Variants in CA12 observed in about 807,000 individuals in gnomAD.
CA12 encodes carbonate dehydratase XII.
A neutral mutation model predicts 46.8 loss-of-function variants in CA12; 36 were observed. That is an observed-to-expected ratio of 0.77 (90% CI 0.59 to 1.02). CA12 has a LOEUF of 1.02. Among genes scored for constraint, CA12 ranks in the 50% least tolerant of loss-of-function variants. CA12 has a pLI of 0.00. For synonymous variants in CA12, 202 were observed against 187.0 expected (o/e 1.08, Z -0.65); for missense variants, 436 against 451.4 (o/e 0.97, Z 0.31).
chr15:63,363,890 C>T (rs1178097164), intron 2 of CA12, among the ~76,000 whole-genome samples: 1 of 152,176 alleles, frequency 6.6e-6, no homozygotes, highest in Admixed American at 6.5e-5. Context: ...AAAGGCTTAT[C>T]AAGAGTGGGA....
chr15:63,326,301 G>A lies in CA12; in HGVS notation c.1049C>T (p.Thr350Ile), dbSNP rs781359858. The A allele has an allele frequency of 1.9e-6, 3 of 1,613,948 alleles. No homozygotes were observed. ...CCGGGGACCTCAAGCGTGGGCCTCAGTCTCCATCTTGGTGGCTGGCTTGTA... is the reference window on the plus strand; with the variant it reads ...CCGGGGACCTCAAGCGTGGGCCTCAATCTCCATCTTGGTGGCTGGCTTGTA... Reference protein sequence around the residue: ...VIYKPATKMETEAHA With the variant: ...VIYKPATKMEIEAHA Residue 350 changes from threonine (T) to isoleucine (I), a missense_variant, in exon 11 of 11, where the codon ACT (threonine) becomes ATT (isoleucine). Physicochemically the swap from Thr to Ile is moderately conservative, Grantham distance 89. Coordinates refer to ENST00000178638, the MANE Select transcript of CA12 (RefSeq NM_001218.5).
chr15:63,371,490 C>A (rs1016953161), intron 2 of CA12, among the ~76,000 whole-genome samples: 19 of 152,200 alleles, frequency 1.2e-4, no homozygotes, highest in African/African-American at 4.6e-4. Flanking sequence ...CCACCTGGCA[C>A]CCCCGTGCCA....
intron 2 of CA12, among the ~76,000 whole-genome samples, chr15:63,370,501 G>A (rs1006077397): frequency 3.8e-4 from 57 of 151,578 alleles, no homozygotes; most frequent in African/African-American, 1.3e-3. Context: ...GGCGGGGCAC[G>A]GTGGCTCATG....
chr15:63,362,062 C>T (rs966257666), intron 2 of CA12, among the ~76,000 whole-genome samples: 11 of 152,126 alleles, frequency 7.2e-5, no homozygotes, highest in African/African-American at 2.2e-4. Flanking sequence ...GTTTTTGAAG[C>T]TTTGCGGGCC....
intron 2 of CA12, among the ~76,000 whole-genome samples, chr15:63,370,255 G>A (rs924767566): frequency 2.0e-5 from 3 of 151,686 alleles, no homozygotes; most frequent in African/African-American, 7.3e-5. Context: ...GAGGCCAGGA[G>A]TTCAAGACCA....
At position 63,341,904 on chromosome 15, in the gene CA12, A is replaced by G; in HGVS notation, c.525+98T>C. On this transcript the variant is annotated intron_variant, in intron 5 of 10. Coordinates refer to ENST00000178638, the MANE Select transcript of CA12 (RefSeq NM_001218.5). The surrounding 1 kb of genome is among the most constrained non-coding windows in gnomAD (Gnocchi z 5.2). ...GAGTTGACACGGAGTCGATACAGGAACAGCTGATTATCAACAGGTATGCAT... is the reference window on the plus strand; with the variant it reads ...GAGTTGACACGGAGTCGATACAGGAGCAGCTGATTATCAACAGGTATGCAT... 3.6e-6 allele frequency: 3 copies of G among 829,262 alleles called. No individual in the cohort carries two copies. The South Asian group carries it at 4.3e-5, about 12-fold the overall frequency. The allele number at this position is 829,262 out of a possible 1,614,324, so 51.4% of individuals were successfully genotyped here.
rs1413433121 is a variant in CA12, at chr15:63,374,603, G to A, written c.106+1055C>T. ...AGCAATAACGGAGCCGTGCAGTGCT[G>A]GGGCTGAGGGGACCTTGGCCTGTGG... On this transcript the variant is annotated intron_variant, in intron 2 of 10. Coordinates refer to ENST00000178638, the MANE Select transcript of CA12 (RefSeq NM_001218.5). The surrounding 1 kb of genome is among the most constrained non-coding windows in gnomAD (Gnocchi z 4.4). 6.6e-6 allele frequency among the ~76,000 whole-genome samples: 1 copy of A among 152,198 alleles called. No individual in the cohort carries two copies. Among genetic ancestry groups the A allele is most frequent in the Non-Finnish European group, 1.5e-5 (1 of 68,050 alleles).
intron 1 of CA12, among the ~76,000 whole-genome samples, chr15:63,379,451 G>T (rs939913923): frequency 6.6e-6 from 1 of 152,214 alleles, no homozygotes; most frequent in Non-Finnish European, 1.5e-5. Flanking sequence ...ACTTCTAGCT[G>T]TAAGAACAGA....
Position 63,381,628 on chromosome 15 carries a change from A to G in CA12, c.85+8T>C. The stretch of plus-strand genomic sequence containing the variant: ...GAGTGTTAGGAAAGAAGCAGGCGGA[A>G]ACTTTACCGTTCACTGGGGCCGGGC... On this transcript the variant is annotated splice_region_variant and intron_variant, in intron 1 of 10. Coordinates refer to ENST00000178638, the MANE Select transcript of CA12 (RefSeq NM_001218.5). 1 of 1,608,974 alleles carries G rather than the reference A, an allele frequency of 6.2e-7. No homozygotes were observed. Among genetic ancestry groups the G allele is most frequent in the Middle Eastern group, 1.7e-4 (1 of 6,056 alleles).
In CA12 at chr15:63,327,294, G is replaced by A. The variant is rs956532389; in HGVS notation, c.908-61C>T. On this transcript the variant is annotated intron_variant, in intron 9 of 10. Transcript: ENST00000178638. The surrounding 1 kb of genome is among the most constrained non-coding windows in gnomAD (Gnocchi z 4.5). ...TCCTTCCCCTCCATCTTAGCCCATG[G>A]CCCCCGGGTGTGAAATCATGGCCCA... The A allele has an allele frequency of 7.5e-6, 10 of 1,336,254 alleles. No homozygotes were observed. Among genetic ancestry groups the A allele is most frequent in the Admixed American group, 1.9e-5 (1 of 53,552 alleles). 82.8% of individuals were successfully genotyped at this position (1,336,254 alleles called of 1,614,324 possible).
rs778854558 is a variant in CA12 at position 63,338,870 on chromosome 15, G to A, written c.823C>T (p.Arg275Trp). Residue 275 changes from arginine to tryptophan, a missense_variant, in exon 8 of 11, where the codon CGG becomes TGG. Transcript: ENST00000178638. ...CTCTCATCGAACTTCTGGACCTGCC[G>A]GAAGTTGTTGATCATTTCTCTGGGG... The part of the protein sequence containing the change: ...PSPREMINNF[R>W]QVQKFDERLV... The A allele has an allele frequency of 5.0e-6, 8 of 1,614,040 alleles. No homozygotes were observed. Among genetic ancestry groups the A allele is most frequent in the East Asian group, 2.2e-5 (1 of 44,898 alleles).
At chr15:63,358,324 T>C (rs1390381280) in intron 2 of CA12, among the ~76,000 whole-genome samples, 1 of 152,212 alleles carries the variant, frequency 6.6e-6, no homozygotes, top group Non-Finnish European at 1.5e-5. Flanking sequence ...GACAAGCTCT[T>C]GAGTGAAAAG....
At position 63,338,760 on chromosome 15, in the gene CA12, T is replaced by A. The variant is rs552249766; in HGVS notation, c.874+59A>T. 31 of 1,608,578 alleles carry A rather than the reference T, an allele frequency of 1.9e-5. No homozygotes were observed. The South Asian group carries it at 3.2e-4, about 17-fold the overall frequency. Reference sequence around the variant, plus strand: ...GTGCCAGAGCTGCATTCACAGAAGATCCCAATGTCTTGGCACCACACTCCC... The same window carrying A: ...GTGCCAGAGCTGCATTCACAGAAGAACCCAATGTCTTGGCACCACACTCCC... On this transcript the variant is annotated intron_variant, in intron 8 of 10. Transcript: ENST00000178638.
At chr15:63,375,617 A>G (rs1444043114) in intron 2 of CA12, 41 bp downstream of exon 2, 2 of 1,322,868 alleles carry the variant, frequency 1.5e-6, no homozygotes, top group Admixed American at 3.5e-5. Flanking sequence ...AACCATTTCT[A>G]TTTTCTTTTC....
At chr15:63,338,487 T>C (rs1422577715) in intron 8 of CA12, among the ~76,000 whole-genome samples, 1 of 152,138 alleles carries the variant, frequency 6.6e-6, no homozygotes, top group Non-Finnish European at 1.5e-5. Flanking sequence ...AAGGGTCCTA[T>C]CCTGTGTCTT....
chr15:63,332,675 T>A (rs1450599306), intron 8 of CA12, among the ~76,000 whole-genome samples: 1 of 152,198 alleles, frequency 6.6e-6, no homozygotes, highest in Non-Finnish European at 1.5e-5. Context: ...CGTTAATCTC[T>A]CTTAAACAAA....
At chr15:63,365,985 C>CA (rs1363651709) in intron 2 of CA12, among the ~76,000 whole-genome samples, 1 of 151,936 alleles carries the variant, frequency 6.6e-6, no homozygotes, top group East Asian at 1.9e-4. Context: ...ACTAAAAATA[C>CA]AAAAAATTAG....
Position 63,339,972 on chromosome 15 carries a change from C to G in CA12, c.747+316G>C. On this transcript the variant is annotated intron_variant, in intron 7 of 10. Transcript: ENST00000178638. This position sits in a 1 kb window ranked among gnomAD's most constrained non-coding sequence, Gnocchi z 4.3. ...CATCTGATCCTGTCTTTATTCTGCCCTGTAAAGGAACCAGGCTCTCTCCTG... is the reference window on the plus strand; with the variant it reads ...CATCTGATCCTGTCTTTATTCTGCCGTGTAAAGGAACCAGGCTCTCTCCTG... 2.5e-6 allele frequency: 1 copy of G among 398,222 alleles called. No homozygotes were observed. Among genetic ancestry groups the G allele is most frequent in the East Asian group, 5.9e-5 (1 of 17,040 alleles). The allele number at this position is 398,222 out of a possible 1,614,324, so 24.7% of individuals were successfully genotyped here.
In CA12 at chr15:63,330,904, GA is replaced by G. The variant is rs1326329832; in HGVS notation, c.875-2775del. Among the ~76,000 whole-genome samples the G allele has an allele frequency of 1.3e-5, 2 of 152,210 alleles. No homozygotes were observed. The highest frequency in any genetic ancestry group is 2.9e-5 in the Non-Finnish European group (2 of 68,030). On this transcript the variant is annotated intron_variant, in intron 8 of 10. Transcript: ENST00000178638. This position sits in a 1 kb window ranked among gnomAD's most constrained non-coding sequence, Gnocchi z 4.0. ...CAACGAAATGAGACCAAACAGGCAT[GA>G]AGACAAAGAAAGGCCCAGAGACTGG...
Sources: gnomAD v4.1 joint callset for allele counts (sites outside exome capture counted in the v4.1 genomes callset) on GRCh38, gnomAD v4.1.1 for gene constraint, Gnocchi (gnomAD v3.1) non-coding constraint, MANE v1.5 for transcripts, NCBI Gene and HGNC (gene_info 2026-07-23, HGNC 2026-07-21) for gene names.